The following SNTG1 variants were observed in gnomAD, a reference collection of about 807,000 sequenced individuals.
SNTG1 encodes gamma-1-syntrophin.
In SNTG1, 39 loss-of-function variants were observed where a neutral mutation model predicts 74.7. That is an observed-to-expected ratio of 0.52 (90% CI 0.40 to 0.68). SNTG1 has a LOEUF of 0.68. Ranked by LOEUF, SNTG1 falls within the 30% of genes least tolerant of loss-of-function variation. The probability of loss-of-function intolerance (pLI) is 0.00; values close to 1 mark genes in which losing one functional copy is unlikely to be tolerated. For synonymous variants in SNTG1, 254 were observed against 217.1 expected (o/e 1.17, Z -1.49); for missense variants, 685 against 609.5 (o/e 1.12, Z -1.30).
At position 50,573,374 on chromosome 8, in the gene SNTG1, G is replaced by T. The variant is rs146160502; in HGVS notation, c.811-17505G>T. ...TTTTTAAGTAAATTAATTCCAAGCA[G>T]ATCTTTATTAAAATCAGTTGTAAAA... On this transcript the variant is annotated intron_variant, in intron 12 of 18. Coordinates refer to ENST00000642720, the MANE Select transcript of SNTG1 (RefSeq NM_018967.5). Among the ~76,000 whole-genome samples the T allele has an allele frequency of 1.3e-3, 195 of 152,040 alleles. 1 individual carries two copies. The highest frequency in any genetic ancestry group is 0.011 in the Middle Eastern group (3 of 266).
chr8:50,642,640 T>C (rs533328095), intron 13 of SNTG1, among the ~76,000 whole-genome samples: 4 of 152,158 alleles, frequency 2.6e-5, no homozygotes, highest in East Asian at 1.9e-4. Context: ...CAGATATCCA[T>C]ACAGGTAACT....
At chr8:49,916,297 T>C (rs1238643390) in intron 1 of SNTG1, among the ~76,000 whole-genome samples, 1 of 152,154 alleles carries the variant, frequency 6.6e-6, no homozygotes, top group African/African-American at 2.4e-5. Flanking sequence ...AGAGAATTTA[T>C]CTTTGAATTA....
Position 50,752,019 on chromosome 8 carries a change from A to G in SNTG1, c.1303A>G (p.Lys435Glu). The G allele has an allele frequency of 6.4e-7, 1 of 1,568,252 alleles. No homozygotes were observed. Among genetic ancestry groups the G allele is most frequent in the South Asian group, 1.2e-5 (1 of 83,110 alleles). The change falls in exon 18 of 19, where the codon AAA (lysine) becomes GAA (glutamate). Residue 435 changes from lysine (K) to glutamate (E), a missense_variant. Lys to Glu is a moderately conservative substitution (Grantham distance 56). Coordinates refer to ENST00000642720, the MANE Select transcript of SNTG1 (RefSeq NM_018967.5). ...CCTTTAGGCTGTCCTTTGGAGGTAT[A>G]AATTCTCTCAGCTTAAAGGTTCTTC... ...AATKAVLWRY[K>E]FSQLKGSSDD...
chr8:50,236,820 C>A (rs2085931058), intron 2 of SNTG1, among the ~76,000 whole-genome samples: 1 of 152,110 alleles, frequency 6.6e-6, no homozygotes, highest in Admixed American at 6.6e-5. Context: ...GTAGACATTA[C>A]ACAGCTTCAA....
intron 2 of SNTG1, among the ~76,000 whole-genome samples, chr8:50,178,755 A>G (rs1563701813): frequency 6.6e-6 from 1 of 152,074 alleles, no homozygotes; most frequent in Non-Finnish European, 1.5e-5. Context: ...GCCTCATCCT[A>G]TAATCTCACC....
At chr8:50,578,593 G>A (rs2094590153) in intron 12 of SNTG1, among the ~76,000 whole-genome samples, 1 of 152,154 alleles carries the variant, frequency 6.6e-6, no homozygotes, top group Non-Finnish European at 1.5e-5. Context: ...TTGTGGGAGG[G>A]ACCTGATTGT....
intron 16 of SNTG1, among the ~76,000 whole-genome samples, chr8:50,706,998 A>T (rs1360108974): frequency 6.6e-6 from 1 of 151,990 alleles, no homozygotes; most frequent in East Asian, 1.9e-4. Context: ...GTTTTTAAGG[A>T]AACAAATTAA....
intron 5 of SNTG1, among the ~76,000 whole-genome samples, chr8:50,440,051 C>A (rs2093344185): frequency 1.3e-5 from 2 of 151,328 alleles, no homozygotes; most frequent in African/African-American, 4.8e-5. Flanking sequence ...TAAAGCTTTT[C>A]ATTTTAATAT....
rs529353178 is a variant in SNTG1 at position 50,277,961 on chromosome 8, G to T, written c.-28+105326G>T. Among the ~76,000 whole-genome samples, 5 of 152,266 alleles carry T rather than the reference G, an allele frequency of 3.3e-5. No homozygotes were observed. In the East Asian group the frequency reaches 9.7e-4, roughly 29 times the overall value. On this transcript the variant is annotated intron_variant, in intron 2 of 18. Transcript: ENST00000642720. ...AGCCTAGGCAAGTGGATCACTTGAG[G>T]TCAGGAGTTTCAGGCCAGCCTGGAC...
chr8:50,758,934 A>G (rs1037677810), intron 18 of SNTG1, among the ~76,000 whole-genome samples: 1 of 152,014 alleles, frequency 6.6e-6, no homozygotes, highest in African/African-American at 2.4e-5. Flanking sequence ...TTACACTCCC[A>G]TCAACATTGA....
chr8:50,706,844 T>C (rs190335439), intron 16 of SNTG1, among the ~76,000 whole-genome samples: 1 of 152,038 alleles, frequency 6.6e-6, no homozygotes, highest in Admixed American at 6.6e-5. Context: ...GTAAAGTTGA[T>C]AGGGAATTAA....
chr8:50,258,451 A>G (rs1003982579), intron 2 of SNTG1, among the ~76,000 whole-genome samples: 5 of 152,198 alleles, frequency 3.3e-5, no homozygotes, highest in Non-Finnish European at 7.4e-5. Context: ...AAGTGATAGA[A>G]TTTGTTTTTG....
chr8:50,792,503 C>T (rs916560863), intron 18 of SNTG1, among the ~76,000 whole-genome samples, 168 bp from the exon 19 acceptor site: 3 of 151,666 alleles, frequency 2.0e-5, no homozygotes, highest in African/African-American at 7.3e-5. Context: ...TCACTACTTA[C>T]GATGTTTACA....
At chr8:50,548,434 G>C (rs1165013670) in intron 11 of SNTG1, among the ~76,000 whole-genome samples, 3 of 152,166 alleles carry the variant, frequency 2.0e-5, no homozygotes, top group Non-Finnish European at 4.4e-5. Context: ...GAGAATTCAA[G>C]TCTGACAGTG....
rs573867649 is a variant in SNTG1, at chr8:50,113,752, T to C, written c.-102-58809T>C. Reference sequence around the variant, plus strand: ...AAATAGCTTTTATTATTTTGAGATATGTTCCATCAATACCTAATTTATTTA... The same window carrying C: ...AAATAGCTTTTATTATTTTGAGATACGTTCCATCAATACCTAATTTATTTA... On this transcript the variant is annotated intron_variant, in intron 1 of 18. Coordinates refer to ENST00000642720, the MANE Select transcript of SNTG1 (RefSeq NM_018967.5). Among the ~76,000 whole-genome samples, 18 of 152,296 alleles carry C rather than the reference T, an allele frequency of 1.2e-4. No homozygotes were observed. The East Asian group carries it at 3.1e-3, about 26-fold the overall frequency.
chr8:50,250,624 A>G (rs2086605149), intron 2 of SNTG1, among the ~76,000 whole-genome samples: 1 of 152,172 alleles, frequency 6.6e-6, no homozygotes, highest in African/African-American at 2.4e-5. Context: ...ATCTCTCAGC[A>G]GAATCTCTGC....
chr8:50,424,760 T>C (rs181100591), intron 4 of SNTG1, among the ~76,000 whole-genome samples: 2 of 152,260 alleles, frequency 1.3e-5, no homozygotes, highest in African/African-American at 4.8e-5. Context: ...TTCTTTAAAT[T>C]TGGGAATCAA....
intron 18 of SNTG1, among the ~76,000 whole-genome samples, chr8:50,776,787 AC>A (rs1302955566): frequency 2.0e-5 from 3 of 151,764 alleles, no homozygotes; most frequent in Non-Finnish European, 2.9e-5. Flanking sequence ...TTATAACTTT[AC>A]TTTGTTTTTC....
intron 2 of SNTG1, among the ~76,000 whole-genome samples, chr8:50,389,089 G>A (rs2092618029): frequency 6.6e-6 from 1 of 152,172 alleles, no homozygotes; most frequent in Non-Finnish European, 1.5e-5. Context: ...AATTGCAGAA[G>A]TGCTAGAGGG....
Sources: gnomAD v4.1 joint callset for allele counts (sites outside exome capture counted in the v4.1 genomes callset) on GRCh38, gnomAD v4.1.1 for gene constraint, MANE v1.5 for transcripts, NCBI Gene and HGNC (gene_info 2026-07-23, HGNC 2026-07-21) for gene names.